Variants in MACROD2 observed in about 807,000 individuals in gnomAD.
The protein encoded by MACROD2 is ADP-ribose glycohydrolase MACROD2.
Under a neutral mutation model 70.4 loss-of-function variants are expected in MACROD2, and 36 were observed. That is an observed-to-expected ratio of 0.51 (90% CI 0.39 to 0.68). The LOEUF (loss-of-function observed/expected upper bound fraction) is 0.68, where lower values mean the gene tolerates loss of function less well. MACROD2 is among the 30% of genes least tolerant of loss of function. MACROD2 has a pLI of 0.00. For missense variants in MACROD2, 496 were observed against 538.4 expected (o/e 0.92, Z 0.78); for synonymous variants, 172 against 178.8 (o/e 0.96, Z 0.30).
At chr20:14,022,665 A>G (rs539319386) in intron 2 of MACROD2, among the ~76,000 whole-genome samples, 58 of 151,672 alleles carry the variant, frequency 3.8e-4, no homozygotes, top group Non-Finnish European at 6.5e-4. Context: ...TCATTTTTCA[A>G]CTTCCACTTA....
intron 4 of MACROD2, among the ~76,000 whole-genome samples, chr20:14,535,831 G>T (rs1408183667): frequency 6.6e-6 from 1 of 152,066 alleles, no homozygotes; most frequent in African/African-American, 2.4e-5. Flanking sequence ...ATCCTAAGAA[G>T]GTATTCTAGA....
intron 2 of MACROD2, among the ~76,000 whole-genome samples, chr20:14,073,027 A>G (rs62209488): frequency 1.3e-5 from 2 of 152,028 alleles, no homozygotes; most frequent in African/African-American, 4.8e-5. Flanking sequence ...TGAGAGGGAA[A>G]TGTTTTTTAT....
chr20:15,916,321 C>G (rs2065314907), intron 10 of MACROD2, among the ~76,000 whole-genome samples: 1 of 152,128 alleles, frequency 6.6e-6, no homozygotes, highest in African/African-American at 2.4e-5. Flanking sequence ...TCCCTGAGAG[C>G]AAGGCACGGG....
At chr20:15,314,755 G>A (rs1198136868) in intron 6 of MACROD2, among the ~76,000 whole-genome samples, 2 of 152,182 alleles carry the variant, frequency 1.3e-5, no homozygotes, top group Non-Finnish European at 2.9e-5. Flanking sequence ...TGTAGTTGAG[G>A]CAAATAATGA....
At chr20:14,198,698 C>A (rs555525935) in intron 3 of MACROD2, among the ~76,000 whole-genome samples, 1 of 152,140 alleles carries the variant, frequency 6.6e-6, no homozygotes, top group Non-Finnish European at 1.5e-5. Context: ...CCCTTGCCCC[C>A]ACCTTTTTCC....
At chr20:14,115,612 T>G (rs1378576337) in intron 3 of MACROD2, among the ~76,000 whole-genome samples, 1 of 152,198 alleles carries the variant, frequency 6.6e-6, no homozygotes, top group African/African-American at 2.4e-5. Flanking sequence ...AAAACTATTT[T>G]GGTTGCGGAC....
intron 3 of MACROD2, among the ~76,000 whole-genome samples, chr20:14,333,820 G>A (rs904626611): frequency 3.3e-5 from 5 of 152,164 alleles, no homozygotes; most frequent in Non-Finnish European, 7.3e-5. Flanking sequence ...ACCAGATGAA[G>A]AGGAAGAAAA....
intron 3 of MACROD2, among the ~76,000 whole-genome samples, chr20:14,239,594 T>A (rs2081911140): frequency 6.6e-6 from 1 of 152,120 alleles, no homozygotes; most frequent in South Asian, 2.1e-4. Flanking sequence ...TCAAAAATGT[T>A]GACAAAAACA....
At position 14,892,440 on chromosome 20, in the gene MACROD2, C is replaced by G. The variant is rs1376584928; in HGVS notation, c.418+207481C>G. Among the ~76,000 whole-genome samples the G allele has an allele frequency of 2.0e-5, 3 of 151,894 alleles. 1 individual carries two copies. Among genetic ancestry groups the G allele is most frequent in the Non-Finnish European group, 4.4e-5 (3 of 67,996 alleles). On this transcript the variant is annotated intron_variant, in intron 5 of 17. Transcript: ENST00000684519. Reference sequence around the variant, plus strand: ...CAGTGACATTGCACTCCAGCCTCGGCAATAGAGTGAGACTCCATCTCAAAA... The same window carrying G: ...CAGTGACATTGCACTCCAGCCTCGGGAATAGAGTGAGACTCCATCTCAAAA...
At chr20:15,629,181 A>T (rs1244229140) in intron 8 of MACROD2, among the ~76,000 whole-genome samples, 2 of 152,094 alleles carry the variant, frequency 1.3e-5, no homozygotes, top group African/African-American at 4.8e-5. Context: ...TGTTAGCTTT[A>T]ACTATTTTCT....
chr20:15,340,592 GAAATTGAATCAAATGTCCTAGAGCT>G (rs1292043652), intron 6 of MACROD2, among the ~76,000 whole-genome samples: 1 of 152,114 alleles, frequency 6.6e-6, no homozygotes, highest in African/African-American at 2.4e-5. Flanking sequence ...AGGAGATATT[GAAATTGAATCAAATGTCCTAGAGCT>G]CTTTCCGCCA....
At chr20:15,947,171 G>T (rs2065836167) in intron 12 of MACROD2, among the ~76,000 whole-genome samples, 1 of 152,124 alleles carries the variant, frequency 6.6e-6, no homozygotes, top group Non-Finnish European at 1.5e-5. Context: ...GCAGGCAGGA[G>T]ATAGAGGCCT....
intron 3 of MACROD2, among the ~76,000 whole-genome samples, chr20:14,377,760 A>AC (rs1164658536): frequency 2.0e-5 from 3 of 152,190 alleles, no homozygotes; most frequent in African/African-American, 7.2e-5. Context: ...ATACTTACAG[A>AC]CTTTTTTTGC....
intron 4 of MACROD2, among the ~76,000 whole-genome samples, chr20:14,650,834 A>G (rs1019170944): frequency 2.6e-5 from 4 of 152,238 alleles, no homozygotes; most frequent in African/African-American, 9.6e-5. Flanking sequence ...TGAGTGAAAC[A>G]CTGAAATGAA....
At chr20:14,015,568 C>T (rs1015806872) in intron 2 of MACROD2, among the ~76,000 whole-genome samples, 2 of 152,164 alleles carry the variant, frequency 1.3e-5, no homozygotes, top group African/African-American at 4.8e-5. Context: ...ACAGAGTAGA[C>T]CTCCTCTCTT....
chr20:14,347,895 G>T (rs1023816193), intron 3 of MACROD2, among the ~76,000 whole-genome samples: 1 of 152,124 alleles, frequency 6.6e-6, no homozygotes, highest in Admixed American at 6.5e-5. Flanking sequence ...TGTGTATCCA[G>T]GTTAACATCT....
At position 15,417,639 on chromosome 20, in the gene MACROD2, G is replaced by GA. The variant is rs1017579529; in HGVS notation, c.541-13756dup. Among the ~76,000 whole-genome samples the GA allele has an allele frequency of 8.3e-3, 1,010 of 121,808 alleles. 13 individuals carry two copies. Among genetic ancestry groups the GA allele is most frequent in the African/African-American group, 0.027 (925 of 33,954 alleles). The allele number at this position is 121,808 out of a possible 152,430, so 79.9% of individuals were successfully genotyped here. ...AAAGAAAGAAAGAAAGAAAAGAAAA[G>GA]AAAAAAAAAAGTGTGGTCCTGGGAG... On this transcript the variant is annotated intron_variant, in intron 6 of 17. Coordinates refer to ENST00000684519, the MANE Select transcript of MACROD2 (RefSeq NM_001351661.2).
chr20:15,885,501 C>T (rs2064810617), intron 9 of MACROD2, among the ~76,000 whole-genome samples: 1 of 152,056 alleles, frequency 6.6e-6, no homozygotes, highest in Non-Finnish European at 1.5e-5. Flanking sequence ...ATAAGTAAAA[C>T]AAACGATTGC....
At chr20:15,023,693 TTATTCA>T (rs2075207785) in intron 5 of MACROD2, among the ~76,000 whole-genome samples, 1 of 152,086 alleles carries the variant, frequency 6.6e-6, no homozygotes, top group African/African-American at 2.4e-5. Context: ...CTCGTGAAAC[TTATTCA>T]CTATCAAGAA....
Sources: gnomAD v4.1 joint callset for allele counts (sites outside exome capture counted in the v4.1 genomes callset) on GRCh38, gnomAD v4.1.1 for gene constraint, MANE v1.5 for transcripts, NCBI Gene and HGNC (gene_info 2026-07-23, HGNC 2026-07-21) for gene names.